KAT2B: variants seen among roughly 807,000 people sequenced by gnomAD.
The protein encoded by KAT2B is histone acetyltransferase KAT2B.
A neutral mutation model predicts 105.9 loss-of-function variants in KAT2B; 36 were observed. The observed-to-expected ratio is 0.34, with a 90% confidence interval of 0.26 to 0.45. The LOEUF is 0.45. Ranked by LOEUF, KAT2B falls within the 20% of genes least tolerant of loss-of-function variation. KAT2B has a pLI of 1.00. For synonymous variants in KAT2B, 397 were observed against 377.9 expected (o/e 1.05, Z -0.59); for missense variants, 820 against 1,021.6 (o/e 0.80, Z 2.69).
At chr3:20,082,422 A>G (rs1698536332) in intron 2 of KAT2B, among the ~76,000 whole-genome samples, 1 of 152,160 alleles carries the variant, frequency 6.6e-6, no homozygotes, top group South Asian at 2.1e-4. Context: ...TACTGTTTGT[A>G]TTCTAATTTT....
At chr3:20,118,934 A>G (rs887700863) in intron 7 of KAT2B, among the ~76,000 whole-genome samples, 1 of 151,862 alleles carries the variant, frequency 6.6e-6, no homozygotes, top group Non-Finnish European at 1.5e-5. Flanking sequence ...CAAATGTAAC[A>G]TTGATATAGT....
At position 20,117,691 on chromosome 3, in the gene KAT2B, G is replaced by A. The variant is rs148488983; in HGVS notation, c.1151-1907G>A. ...TGGGAATGTCCTTGTTGACTGAACT[G>A]TGGCTGTGTTGAAACGTAGATGAAC... On this transcript the variant is annotated intron_variant, in intron 7 of 17. Transcript: ENST00000263754. Among the ~76,000 whole-genome samples the A allele has an allele frequency of 5.5e-3, 834 of 152,236 alleles. 10 individuals carry two copies. Among genetic ancestry groups the A allele is most frequent in the African/African-American group, 0.019 (795 of 41,546 alleles).
Position 20,076,025 on chromosome 3 carries a change from C to G in KAT2B, c.430+3566C>G, listed in dbSNP as rs376243425. 1.7e-3 allele frequency among the ~76,000 whole-genome samples: 251 copies of G among 152,086 alleles called. 1 individual carries two copies. The highest frequency in any genetic ancestry group is 4.8e-3 in the African/African-American group (199 of 41,482). ...TCCAATCCTTTAATCTTCTAATAAC[C>G]TGGTCTCTCTGGTGAGCAGCTTCAT... On this transcript the variant is annotated intron_variant, in intron 2 of 17. Transcript: ENST00000263754.
At chr3:20,056,936 G>T (rs1698012730) in intron 1 of KAT2B, among the ~76,000 whole-genome samples, 1 of 152,150 alleles carries the variant, frequency 6.6e-6, no homozygotes, top group Non-Finnish European at 1.5e-5. Flanking sequence ...CAATTGCCTT[G>T]GAAAGTAGTA....
intron 1 of KAT2B, among the ~76,000 whole-genome samples, chr3:20,048,605 T>C (rs543308542): frequency 6.6e-6 from 1 of 152,326 alleles, no homozygotes; most frequent in South Asian, 2.1e-4. Context: ...GCACATCTGC[T>C]TCTCAGATGA....
At position 20,126,022 on chromosome 3, in the gene KAT2B, A is replaced by T; in HGVS notation, c.1531A>T (p.Ile511Phe). 1 of 1,614,068 alleles carries T rather than the reference A, an allele frequency of 6.2e-7. No homozygotes were observed. The highest frequency in any genetic ancestry group is 2.2e-5 in the East Asian group (1 of 44,866). Residue 511 changes from isoleucine to phenylalanine, a missense_variant, in exon 10 of 18, where the codon ATC becomes TTC. By Grantham distance (21) the Ile-to-Phe change is conservative (BLOSUM62 0). Coordinates refer to ENST00000263754, the MANE Select transcript of KAT2B (RefSeq NM_003884.5). ...NSLNQKPNKK[I>F]LMWLVGLQNV... Reference sequence around the variant, plus strand: ...CCTCAACCAGAAACCAAACAAGAAGATCCTGATGTGGCTGGTTGGCCTACA... The same window carrying T: ...CCTCAACCAGAAACCAAACAAGAAGTTCCTGATGTGGCTGGTTGGCCTACA...
chr3:20,134,933 G>A (rs1398264115), intron 11 of KAT2B, among the ~76,000 whole-genome samples: 1 of 152,078 alleles, frequency 6.6e-6, no homozygotes, highest in Admixed American at 6.5e-5. Flanking sequence ...AGTATAAAAT[G>A]TTAGTAATGA....
At chr3:20,140,119 A>G (rs1699671564) in intron 12 of KAT2B, 102 bp from the exon 13 acceptor site, 3 of 761,252 alleles carry the variant, frequency 3.9e-6, no homozygotes, top group African/African-American at 1.7e-5. Flanking sequence ...AGAACTTCAA[A>G]GAAGCTTGTC....
In KAT2B at chr3:20,145,554, G is replaced by GTTTTTTTTTTTTTTTT. The variant is rs550166293; in HGVS notation, c.2005-752_2005-737dup. 2.2e-4 allele frequency among the ~76,000 whole-genome samples: 20 copies of GTTTTTTTTTTTTTTTT among 92,084 alleles called. 2 individuals are homozygous for GTTTTTTTTTTTTTTTT. Among genetic ancestry groups the GTTTTTTTTTTTTTTTT allele is most frequent in the Admixed American group, 8.2e-4 (6 of 7,292 alleles). 60.4% of individuals were successfully genotyped at this position (92,084 alleles called of 152,430 possible). On this transcript the variant is annotated intron_variant, in intron 13 of 17. Coordinates refer to ENST00000263754, the MANE Select transcript of KAT2B (RefSeq NM_003884.5). ...TTAATTTCCGGATGGGATTTTTTTA[G>GTTTTTTTTTTTTTTTT]TTTTTTTTTTTTTTTTTTTTTTTTT... is the stretch of plus-strand genomic sequence containing the variant.
intron 2 of KAT2B, among the ~76,000 whole-genome samples, chr3:20,076,652 G>T (rs1698425102): frequency 6.6e-6 from 1 of 152,252 alleles, no homozygotes; most frequent in South Asian, 2.1e-4. Context: ...TGCCAATTTT[G>T]TTGTATCTAA....
chr3:20,102,438 T>A (rs1698927289), intron 5 of KAT2B, among the ~76,000 whole-genome samples: 1 of 152,160 alleles, frequency 6.6e-6, no homozygotes, highest in South Asian at 2.1e-4. Context: ...TGAAAGAAAA[T>A]GTAGAATTTT....
chr3:20,059,095 C>G (rs754480942), intron 1 of KAT2B, among the ~76,000 whole-genome samples: 2 of 152,094 alleles, frequency 1.3e-5, no homozygotes, highest in Admixed American at 6.6e-5. Flanking sequence ...ACAGTGGACT[C>G]CAGGTGTTGT....
chr3:20,107,806 CTTT>C (rs1206858155), intron 5 of KAT2B, among the ~76,000 whole-genome samples: 29 of 113,728 alleles, frequency 2.5e-4, no homozygotes, highest in African/African-American at 3.7e-4. Context: ...TTGCTTTTTC[CTTT>C]TTTTTTTTTT....
intron 8 of KAT2B, among the ~76,000 whole-genome samples, chr3:20,119,982 C>T (rs1164419430): frequency 6.6e-6 from 1 of 152,196 alleles, no homozygotes; most frequent in African/African-American, 2.4e-5. Context: ...CTCACTCAAT[C>T]TTGGCTGGGC....
intron 5 of KAT2B, among the ~76,000 whole-genome samples, chr3:20,109,570 G>C (rs1445560475): frequency 6.6e-6 from 1 of 152,038 alleles, no homozygotes; most frequent in Non-Finnish European, 1.5e-5. Flanking sequence ...TTCCTGCTTG[G>C]GCCTTCCAAA....
At chr3:20,074,883 A>G (rs938636792) in intron 2 of KAT2B, among the ~76,000 whole-genome samples, 4 of 152,304 alleles carry the variant, frequency 2.6e-5, no homozygotes, top group African/African-American at 7.2e-5. Context: ...GGGAACTAAG[A>G]AGTTGGTCCT....
intron 1 of KAT2B, among the ~76,000 whole-genome samples, chr3:20,045,775 G>C (rs1370342617): frequency 6.6e-6 from 1 of 152,154 alleles, no homozygotes; most frequent in Admixed American, 6.6e-5. Context: ...TGCAACCTTG[G>C]ATAAGGATTT....
At chr3:20,118,234 AAT>A (rs1202001165) in intron 7 of KAT2B, among the ~76,000 whole-genome samples, 1 of 146,550 alleles carries the variant, frequency 6.8e-6, no homozygotes, top group African/African-American at 2.5e-5. Flanking sequence ...TAAATATGTA[AAT>A]ATATTTACAT....
chr3:20,047,695 C>T (rs773085565), intron 1 of KAT2B, among the ~76,000 whole-genome samples: 1 of 150,830 alleles, frequency 6.6e-6, no homozygotes, highest in Non-Finnish European at 1.5e-5. Flanking sequence ...TTACTGCAGC[C>T]TCCACCTCCC....
Sources: gnomAD v4.1 joint callset for allele counts (sites outside exome capture counted in the v4.1 genomes callset) on GRCh38, gnomAD v4.1.1 for gene constraint, MANE v1.5 for transcripts, NCBI Gene and HGNC (gene_info 2026-07-23, HGNC 2026-07-21) for gene names.